The following MICAL2 variants were observed in gnomAD, a reference collection of about 807,000 sequenced individuals.
MICAL2 encodes microtubule associated monooxygenase, calponin and LIM domain containing 2.
In MICAL2, 77 loss-of-function variants were observed where a neutral mutation model predicts 127.3. The ratio of observed to expected loss-of-function variants is 0.60; its 90% CI spans 0.50 to 0.73. The LOEUF (loss-of-function observed/expected upper bound fraction) is 0.73. Ranked by LOEUF, MICAL2 falls within the 30% of genes least tolerant of loss-of-function variation. The probability of loss-of-function intolerance (pLI) is 0.00; values close to 1 mark genes in which losing one functional copy is unlikely to be tolerated. For synonymous variants in MICAL2, 570 were observed against 551.1 expected (o/e 1.03, Z -0.48); for missense variants, 1,351 against 1,434.4 (o/e 0.94, Z 0.94).
chr11:12,328,901 C>A (rs1182760124), intron 32 of MICAL2, among the ~76,000 whole-genome samples: 4 of 152,094 alleles, frequency 2.6e-5, no homozygotes, highest in Non-Finnish European at 5.9e-5. Flanking sequence ...GCTTCCAGAA[C>A]CTTGCAAGGA....
At chr11:12,124,617 G>A (rs1850766444) in intron 1 of MICAL2, among the ~76,000 whole-genome samples, 1 of 152,082 alleles carries the variant, frequency 6.6e-6, no homozygotes, top group Non-Finnish European at 1.5e-5. Context: ...CCGGGCTAGG[G>A]GACTTGAAGT....
intron 8 of MICAL2, among the ~76,000 whole-genome samples, chr11:12,219,560 C>T (rs935132375): frequency 7.7e-5 from 11 of 143,208 alleles, no homozygotes; most frequent in African/African-American, 2.6e-4. Flanking sequence ...AAAAAAGCTA[C>T]GCTGTGAGAG....
downstream of MICAL2, among the ~76,000 whole-genome samples, chr11:12,290,252 A>AC (rs1429255618): frequency 6.6e-6 from 1 of 151,848 alleles, no homozygotes; most frequent in Non-Finnish European, 1.5e-5. Flanking sequence ...AGAGAAAGAG[A>AC]CCCCCTAGCA....
chr11:12,186,629 C>A (rs1301627012), intron 3 of MICAL2, among the ~76,000 whole-genome samples: 1 of 152,164 alleles, frequency 6.6e-6, no homozygotes, highest in Non-Finnish European at 1.5e-5. Flanking sequence ...AGTCTCTGGG[C>A]CTCAGTTTAC....
intron 1 of MICAL2, among the ~76,000 whole-genome samples, chr11:12,135,469 A>G (rs1322323132): frequency 6.6e-6 from 1 of 152,166 alleles, no homozygotes; most frequent in Non-Finnish European, 1.5e-5. Flanking sequence ...GATGCAGACA[A>G]TAACAGACAT....
At chr11:12,287,478 A>G (rs141888688), downstream of MICAL2, among the ~76,000 whole-genome samples, 1 of 152,268 alleles carries the variant, frequency 6.6e-6, no homozygotes, top group Non-Finnish European at 1.5e-5. Context: ...TTTGAAATAC[A>G]GATGAGTAAA....
intron 5 of MICAL2, among the ~76,000 whole-genome samples, chr11:12,208,839 G>A (rs1855066483): frequency 6.6e-6 from 1 of 152,152 alleles, no homozygotes; most frequent in South Asian, 2.1e-4. Flanking sequence ...GTGGTTTCCT[G>A]CTTAGGGTAC....
intron 2 of MICAL2, among the ~76,000 whole-genome samples, chr11:12,285,439 T>TC (rs1863814440): frequency 5.3e-5 from 8 of 152,218 alleles, no homozygotes; most frequent in Admixed American, 3.9e-4. Flanking sequence ...GAAGGGGGTT[T>TC]GTCTGGGGAA....
At chr11:12,214,334 C>T (rs1855878693) in intron 7 of MICAL2, among the ~76,000 whole-genome samples, 1 of 152,244 alleles carries the variant, frequency 6.6e-6, no homozygotes, top group South Asian at 2.1e-4. Context: ...GACCGCCCCA[C>T]ACGAGAATAG....
intron 1 of MICAL2, among the ~76,000 whole-genome samples, chr11:12,116,420 A>C (rs1850041469): frequency 6.7e-6 from 1 of 148,328 alleles, no homozygotes; most frequent in Non-Finnish European, 1.5e-5. Context: ...AAAATGACAC[A>C]GAGTGCTAAG....
chr11:12,260,484 C>T, intron 26 of MICAL2: 1 of 1,103,072 alleles, frequency 9.1e-7, no homozygotes, highest in Non-Finnish European at 1.1e-6. Flanking sequence ...GTCAATTTTT[C>T]TAAACATGGG....
downstream of MICAL2, chr11:12,293,618 C>T (rs769060815): frequency 6.2e-7 from 1 of 1,613,928 alleles, no homozygotes; most frequent in African/African-American, 1.3e-5. Flanking sequence ...TCCTCCCACC[C>T]CAAACTTTCG....
intron 31 of MICAL2, among the ~76,000 whole-genome samples, chr11:12,324,971 G>A (rs1864338856): frequency 1.3e-5 from 2 of 152,172 alleles, no homozygotes; most frequent in Admixed American, 6.5e-5. Flanking sequence ...TGGCAAACTA[G>A]GCAATGCCTC....
chr11:12,222,598 A>C lies in MICAL2; in HGVS notation c.1323-19A>C, dbSNP rs776293949. ...GTGGCAAAAGTGATCCCTGACCTCC[A>C]GGCTCCGCCTCCCTCCAGGGAAAGT... On this transcript the variant is annotated intron_variant, in intron 10 of 27. Coordinates refer to ENST00000683283, the MANE Select transcript of MICAL2 (RefSeq NM_001282663.2). 3 of 1,614,138 alleles carry C rather than the reference A, an allele frequency of 1.9e-6. No individual in the cohort carries two copies. The highest frequency in any genetic ancestry group is 2.2e-5 in the South Asian group (2 of 91,078).
intron 34 of MICAL2, among the ~76,000 whole-genome samples, chr11:12,355,096 T>A (rs1939110620): frequency 1.3e-5 from 2 of 152,212 alleles, no homozygotes; most frequent in African/African-American, 4.8e-5. Context: ...AGTCCTATGT[T>A]CACTTATTCA....
chr11:12,250,552 T>C (rs1456011872), intron 22 of MICAL2, among the ~76,000 whole-genome samples: 1 of 152,230 alleles, frequency 6.6e-6, no homozygotes, highest in East Asian at 1.9e-4. Context: ...GAGGTTAACC[T>C]CGTGTAATGT....
At chr11:12,285,690 C>A (rs993387709) in intron 2 of MICAL2, among the ~76,000 whole-genome samples, 5 of 152,290 alleles carry the variant, frequency 3.3e-5, no homozygotes, top group African/African-American at 9.6e-5. Flanking sequence ...AAGGAAAGCC[C>A]CCAGGTAGTA....
At chr11:12,258,418 C>CTAGTT in intron 24 of MICAL2, 50 bp from the exon 25 acceptor site, 1 of 1,432,576 alleles carries the variant, frequency 7.0e-7, no homozygotes, top group East Asian at 2.3e-5. Flanking sequence ...CTACTTAGCT[C>CTAGTT]TAGTTTACAG....
chr11:12,322,334 G>C (rs1864308566), intron 30 of MICAL2, among the ~76,000 whole-genome samples: 1 of 152,100 alleles, frequency 6.6e-6, no homozygotes, highest in African/African-American at 2.4e-5. Flanking sequence ...AAAGATCCTA[G>C]CTGCCCCATG....
Sources: allele counts gnomAD v4.1 joint callset (sites outside exome capture counted in the v4.1 genomes callset), GRCh38; gene constraint gnomAD v4.1.1; transcripts MANE v1.5; gene names NCBI Gene and HGNC (gene_info 2026-07-23, HGNC 2026-07-21).